L2HGDH: variants seen among roughly 807,000 people sequenced by gnomAD.
L2HGDH encodes the protein L-2-hydroxyglutarate dehydrogenase, mitochondrial.
A neutral mutation model predicts 51.5 loss-of-function variants in L2HGDH; 34 were observed. The observed-to-expected ratio is 0.66, with a 90% confidence interval of 0.50 to 0.88. L2HGDH has a LOEUF of 0.88. L2HGDH is among the 40% of genes least tolerant of loss of function. The pLI, the probability that L2HGDH is intolerant of heterozygous loss-of-function variation, is 0.00. For synonymous variants in L2HGDH, 198 were observed against 197.9 expected (o/e 1.00, Z -0.01); for missense variants, 558 against 571.9 (o/e 0.98, Z 0.25).
chr14:50,245,753 C>T lies in L2HGDH; in HGVS notation c.*1305G>A. 1 of 985,178 alleles carries T rather than the reference C, an allele frequency of 1.0e-6. No individual in the cohort carries two copies. Among genetic ancestry groups the T allele is most frequent in the Non-Finnish European group, 1.2e-6 (1 of 829,784 alleles). 61.0% of individuals were successfully genotyped at this position (985,178 alleles called of 1,614,324 possible). A position where few individuals can be genotyped will look rare whatever the true frequency, so the allele number is the denominator to read the frequency against. ...TTTAAGGAAATAATCTATTTTTATG[C>T]CATCTTTCTCCAAAACTCTTAAAAA... On this transcript the variant is annotated 3_prime_UTR_variant, in exon 10 of 10. Coordinates refer to ENST00000267436, the MANE Select transcript of L2HGDH (RefSeq NM_024884.3).
intron 2 of L2HGDH, among the ~76,000 whole-genome samples, chr14:50,302,556 T>G (rs2030473861): frequency 6.6e-6 from 1 of 152,216 alleles, no homozygotes; most frequent in African/African-American, 2.4e-5. Flanking sequence ...AGCACAATCC[T>G]GGGAAATACT....
At position 50,282,758 on chromosome 14, in the gene L2HGDH, T is replaced by A. The variant is rs116010249; in HGVS notation, c.703+1113A>T. On this transcript the variant is annotated intron_variant, in intron 5 of 9. Coordinates refer to ENST00000267436, the MANE Select transcript of L2HGDH (RefSeq NM_024884.3). Reference sequence around the variant, plus strand: ...CCAAGTGCTTAATAAATGTTAGCTATTGGCCAGGCACAGTGGCTCACGCCC... The same window carrying A: ...CCAAGTGCTTAATAAATGTTAGCTAATGGCCAGGCACAGTGGCTCACGCCC... Among the ~76,000 whole-genome samples the A allele has an allele frequency of 5.1e-3, 771 of 152,294 alleles. 8 individuals are homozygous for A. Among genetic ancestry groups the A allele is most frequent in the African/African-American group, 0.017 (686 of 41,556 alleles).
chr14:50,312,145 C>A lies in L2HGDH; in HGVS notation c.6G>T (p.Val2=), dbSNP rs113626637. 8,475 of 1,610,192 alleles carry A rather than the reference C, an allele frequency of 5.3e-3. 32 individuals are homozygous for A. The highest frequency in any genetic ancestry group is 6.8e-3 in the Non-Finnish European group (8,022 of 1,179,254). M[V]PALRYLVGAC... is the part of the protein sequence containing the mutation. ...CACCAACCAAATAACGCAGCGCTGGCACCATCCCCTACGCACGCTCCCCTC... is the reference window on the plus strand; with the variant it reads ...CACCAACCAAATAACGCAGCGCTGGAACCATCCCCTACGCACGCTCCCCTC... Residue 2 remains valine, a synonymous_variant, in exon 1 of 10, where the codon GTG becomes GTT. Transcript: ENST00000267436.
rs560501145 is a variant in L2HGDH at position 50,287,636 on chromosome 14, A to T, written c.541-3603T>A. On this transcript the variant is annotated intron_variant, in intron 4 of 9. Coordinates refer to ENST00000267436, the MANE Select transcript of L2HGDH (RefSeq NM_024884.3). ...AGCACATCAATGAAAGTTTTTTTTT[A>T]AATTTTTGAAACTTTTATTTTTAGT... Among the ~76,000 whole-genome samples, 316 of 150,436 alleles carry T rather than the reference A, an allele frequency of 2.1e-3. 1 individual carries two copies. The highest frequency in any genetic ancestry group is 4.6e-3 in the Admixed American group (70 of 15,178).
Position 50,247,171 on chromosome 14 carries a change from C to G in L2HGDH, c.1279G>C (p.Asp427His), listed in dbSNP as rs1219655450. 1 of 1,614,122 alleles carries G rather than the reference C, an allele frequency of 6.2e-7. No individual in the cohort carries two copies. The highest frequency in any genetic ancestry group is 1.1e-5 in the South Asian group (1 of 91,082). ...ACATGAAGAATGCGATTTCCAATAT[C>G]CCCAACTCCTGCATCAAATACAAAA... ...EDFVFDAGVGDIGNRILHVRN... is the reference protein window; with the variant it reads ...EDFVFDAGVGHIGNRILHVRN... The change falls in exon 10 of 10, where the codon GAT becomes CAT. Residue 427 changes from aspartate (D) to histidine (H), a missense_variant. Physicochemically the swap from Asp to His is moderately conservative, Grantham distance 81. This residue lies in a region of L2HGDH where 321 missense variants were observed against 311.8 expected (regional missense o/e 1.03). Coordinates refer to ENST00000267436, the MANE Select transcript of L2HGDH (RefSeq NM_024884.3).
intron 9 of L2HGDH, among the ~76,000 whole-genome samples, chr14:50,261,773 T>G (rs1889040821): frequency 6.6e-6 from 1 of 152,182 alleles, no homozygotes; most frequent in African/African-American, 2.4e-5. Flanking sequence ...CATGAGCCAC[T>G]GTGCCTGGCC....
In L2HGDH at chr14:50,246,755, T is replaced by C. The variant is rs1888027849; in HGVS notation, c.*303A>G. 1.3e-5 allele frequency: 3 copies of C among 236,652 alleles called. No individual in the cohort carries two copies. The highest frequency in any genetic ancestry group is 2.4e-5 in the Non-Finnish European group (3 of 122,562). 14.7% of individuals were successfully genotyped at this position (236,652 alleles called of 1,614,324 possible). A position where few individuals can be genotyped will look rare whatever the true frequency, so the allele number is the denominator to read the frequency against. ...ATTATTATTATTATTATTTTCTTGC[T>C]CTGTCACCCAGGCTGGAGTGCAGTG... is the stretch of plus-strand genomic sequence containing the variant. On this transcript the variant is annotated 3_prime_UTR_variant, in exon 10 of 10. Coordinates refer to ENST00000267436, the MANE Select transcript of L2HGDH (RefSeq NM_024884.3).
intron 9 of L2HGDH, among the ~76,000 whole-genome samples, chr14:50,252,141 G>C (rs1173329222): frequency 6.6e-6 from 1 of 151,686 alleles, no homozygotes; most frequent in African/African-American, 2.4e-5. Flanking sequence ...TTAAAGTGTA[G>C]AGTTTTTATT....
In L2HGDH at chr14:50,246,536, C is replaced by CT. The variant is rs779975979; in HGVS notation, c.*521dup. On this transcript the variant is annotated 3_prime_UTR_variant, in exon 10 of 10. Coordinates refer to ENST00000267436, the MANE Select transcript of L2HGDH (RefSeq NM_024884.3). Reference sequence around the variant, plus strand: ...AACATAAGCTCACTGCAGCCTAGACCTCCTGGGCTCAAGTGATCCTCTCAC... The same window carrying CT: ...AACATAAGCTCACTGCAGCCTAGACCTTCCTGGGCTCAAGTGATCCTCTCAC... 19 of 150,168 alleles carry CT rather than the reference C, an allele frequency of 1.3e-4. No homozygotes were observed. Among genetic ancestry groups the CT allele is most frequent in the Non-Finnish European group, 2.3e-4 (16 of 69,528 alleles). The allele number at this position is 150,168 out of a possible 1,614,324, so 9.3% of individuals were successfully genotyped here.
rs987229961 is a variant in L2HGDH at position 50,277,913 on chromosome 14, G to A, written c.738+607C>T. Among the ~76,000 whole-genome samples the A allele has an allele frequency of 1.2e-4, 19 of 152,084 alleles. 1 individual carries two copies. Among genetic ancestry groups the A allele is most frequent in the African/African-American group, 4.6e-4 (19 of 41,408 alleles). On this transcript the variant is annotated intron_variant, in intron 6 of 9. Transcript: ENST00000267436. ...GTGACAGACAGATACCCACTGTCCA[G>A]TGAATTCCAGCTCCGCATTCAGCTC... is the stretch of plus-strand genomic sequence containing the variant.
intron 1 of L2HGDH, among the ~76,000 whole-genome samples, chr14:50,310,333 G>C (rs1315432481): frequency 2.0e-5 from 3 of 151,998 alleles, no homozygotes; most frequent in Non-Finnish European, 2.9e-5. Context: ...GCCTCCCAAA[G>C]CACTGGGATT....
intron 1 of L2HGDH, among the ~76,000 whole-genome samples, chr14:50,306,996 A>G (rs1032695378): frequency 2.0e-5 from 3 of 151,914 alleles, no homozygotes; most frequent in African/African-American, 7.3e-5. Flanking sequence ...TTGTATTTTT[A>G]CTAGAGACGA....
rs566816502 is a variant in L2HGDH at position 50,289,113 on chromosome 14, C to T, written c.540+5002G>A. ...ATATTCTCTGCTCCCACATATATAACAGCCTCCTAATTTCTTAATTTTAAT... is the reference window on the plus strand; with the variant it reads ...ATATTCTCTGCTCCCACATATATAATAGCCTCCTAATTTCTTAATTTTAAT... On this transcript the variant is annotated intron_variant, in intron 4 of 9. Transcript: ENST00000267436. Among the ~76,000 whole-genome samples the T allele has an allele frequency of 2.6e-5, 4 of 152,276 alleles. No individual in the cohort carries two copies. The South Asian group carries it at 8.3e-4, about 32-fold the overall frequency.
chr14:50,254,878 G>T (rs1277154148), intron 9 of L2HGDH, among the ~76,000 whole-genome samples: 1 of 148,340 alleles, frequency 6.7e-6, no homozygotes, highest in Non-Finnish European at 1.5e-5. Flanking sequence ...ATATATACGA[G>T]AAAAAAAAAA....
At position 50,242,799 on chromosome 14, in the gene L2HGDH, G is replaced by A. The variant is rs534741357; in HGVS notation, c.*4259C>T. The A allele has an allele frequency of 1.0e-6, 1 of 985,412 alleles. No homozygotes were observed. The highest frequency in any genetic ancestry group is 1.1e-4 in the East Asian group (1 of 8,818). 61.0% of individuals were successfully genotyped at this position (985,412 alleles called of 1,614,324 possible). A position where few individuals can be genotyped will look rare whatever the true frequency, so the allele number is the denominator to read the frequency against. Reference sequence around the variant, plus strand: ...CTCAAAAATGTTTACAAGATCTTTAGATAATAGTGTATGCGCAGAAAGATG... The same window carrying A: ...CTCAAAAATGTTTACAAGATCTTTAAATAATAGTGTATGCGCAGAAAGATG... On this transcript the variant is annotated 3_prime_UTR_variant, in exon 10 of 10. Transcript: ENST00000267436.
rs754872991 is a variant in L2HGDH at position 50,247,174 on chromosome 14, C to T, written c.1276G>A (p.Gly426Arg). 5.6e-6 allele frequency: 9 copies of T among 1,614,120 alleles called. No individual in the cohort carries two copies. In the Admixed American group the frequency reaches 1.3e-4, roughly 24 times the overall value. The change falls in exon 10 of 10, where the codon GGG becomes AGG. Residue 426 changes from glycine (G) to arginine (R), a missense_variant. By Grantham distance (125) the Gly-to-Arg change is moderately radical. Around this residue, in one of 3 missense-constraint regions of L2HGDH, gnomAD observed 321 missense variants for 311.8 expected, o/e 1.03. Coordinates refer to ENST00000267436, the MANE Select transcript of L2HGDH (RefSeq NM_024884.3). ...VEDFVFDAGV[G>R]DIGNRILHVR... Reference sequence around the variant, plus strand: ...TGAAGAATGCGATTTCCAATATCCCCAACTCCTGCATCAAATACAAAATCT... The same window carrying T: ...TGAAGAATGCGATTTCCAATATCCCTAACTCCTGCATCAAATACAAAATCT...
chr14:50,291,151 T>C (rs952064849), intron 4 of L2HGDH, among the ~76,000 whole-genome samples: 3 of 134,526 alleles, frequency 2.2e-5, no homozygotes, highest in African/African-American at 9.1e-5. Flanking sequence ...TGAGCCGAAA[T>C]TGTGCCACTG....
At position 50,257,705 on chromosome 14, in the gene L2HGDH, C is replaced by T. The variant is rs116504968; in HGVS notation, c.1196+7653G>A. The stretch of plus-strand genomic sequence containing the variant: ...AAATTTAAAAACTATATTTTTATTT[C>T]CAGAAATTCTCATTAGGTGGTTTCC... On this transcript the variant is annotated intron_variant, in intron 9 of 9. Coordinates refer to ENST00000267436, the MANE Select transcript of L2HGDH (RefSeq NM_024884.3). Among the ~76,000 whole-genome samples, 877 of 151,572 alleles carry T rather than the reference C, an allele frequency of 5.8e-3. 11 individuals are homozygous for T. Among genetic ancestry groups the T allele is most frequent in the African/African-American group, 0.019 (787 of 41,438 alleles).
chr14:50,262,929 C>T lies in L2HGDH; in HGVS notation c.1196+2429G>A, dbSNP rs185255843. ...TGGGTTGAATTTGTCCCCAAATGCA[C>T]CTGCCTGCAGTGCTGTGCCCTTTTC... On this transcript the variant is annotated intron_variant, in intron 9 of 9. Transcript: ENST00000267436. Among the ~76,000 whole-genome samples, 503 of 152,286 alleles carry T rather than the reference C, an allele frequency of 3.3e-3. 3 individuals carry two copies. The highest frequency in any genetic ancestry group is 8.7e-3 in the South Asian group (42 of 4,826).
Sources: gnomAD v4.1 joint callset for allele counts (sites outside exome capture counted in the v4.1 genomes callset) on GRCh38, gnomAD v4.1.1 for gene constraint, gnomAD v4.1.1 regional missense constraint, MANE v1.5 for transcripts, NCBI Gene and HGNC (gene_info 2026-07-23, HGNC 2026-07-21) for gene names.